The following SREBF2 variants were observed in gnomAD, a reference collection of about 807,000 sequenced individuals.
SREBF2 encodes sterol regulatory element-binding protein 2.
In SREBF2, 55 loss-of-function variants were observed where a neutral mutation model predicts 113.1. The ratio of observed to expected loss-of-function variants is 0.49; its 90% CI spans 0.39 to 0.61. The LOEUF (loss-of-function observed/expected upper bound fraction) is 0.61, where lower values mean the gene tolerates loss of function less well. Among genes scored for constraint, SREBF2 ranks in the 20% least tolerant of loss-of-function variants. The probability of loss-of-function intolerance (pLI) is 0.00; values close to 1 mark genes in which losing one functional copy is unlikely to be tolerated. For missense variants in SREBF2, 1,349 were observed against 1,487.4 expected (o/e 0.91, Z 1.53); for synonymous variants, 593 against 605.7 (o/e 0.98, Z 0.31).
chr22:41,861,311 CT>C (rs2077025256), intron 1 of SREBF2, among the ~76,000 whole-genome samples: 1 of 151,842 alleles, frequency 6.6e-6, no homozygotes, highest in African/African-American at 2.4e-5. Flanking sequence ...GTGAAACCCC[CT>C]CTCTACTAAA....
intron 13 of SREBF2, among the ~76,000 whole-genome samples, chr22:41,895,382 C>T (rs1010807593): frequency 1.3e-5 from 2 of 151,172 alleles, no homozygotes; most frequent in African/African-American, 4.9e-5. Flanking sequence ...CCGCCTGCCT[C>T]AGCCTCCCAA....
Position 41,868,681 on chromosome 22 carries a change from G to A in SREBF2, c.609G>A (p.Val203=). ...QVQPVTIQQQ[V]QTVQAQRVLT... ...AGCCGGTCACCATTCAGCAGCAGGT[G>A]CAGACAGTACAGGCCCAGCGGGTGC... Residue 203 remains valine, a synonymous_variant, in exon 3 of 19, where the codon GTG becomes GTA. Transcript: ENST00000361204. 1 of 1,614,256 alleles carries A rather than the reference G, an allele frequency of 6.2e-7. No individual in the cohort carries two copies. Among genetic ancestry groups the A allele is most frequent in the Non-Finnish European group, 8.5e-7 (1 of 1,180,052 alleles).
At position 41,899,366 on chromosome 22, in the gene SREBF2, G is replaced by A. The variant is rs780334959; in HGVS notation, c.2738+585G>A. On this transcript the variant is annotated intron_variant, in intron 15 of 18. Coordinates refer to ENST00000361204, the MANE Select transcript of SREBF2 (RefSeq NM_004599.4). ...TCATGTCTGCGTCTTGGGGGCATTC[G>A]GCACTAGTGATGGGCAGCCCTGCCT... 5.3e-5 allele frequency: 54 copies of A among 1,012,640 alleles called. 1 individual carries two copies. Among genetic ancestry groups the A allele is most frequent in the South Asian group, 2.4e-4 (6 of 24,744 alleles). 62.7% of individuals were successfully genotyped at this position (1,012,640 alleles called of 1,614,324 possible).
At chr22:41,865,114 C>A (rs2077062984) in intron 1 of SREBF2, among the ~76,000 whole-genome samples, 1 of 147,778 alleles carries the variant, frequency 6.8e-6, no homozygotes, top group Admixed American at 6.9e-5. Context: ...TACAAATATA[C>A]CCCAGGCTCC....
chr22:41,861,659 ACACC>A (rs2077028312), intron 1 of SREBF2, among the ~76,000 whole-genome samples: 2 of 152,320 alleles, frequency 1.3e-5, no homozygotes, highest in South Asian at 4.1e-4. Flanking sequence ...GCAGTGGCTC[ACACC>A]TGTAATCCTA....
intron 1 of SREBF2, among the ~76,000 whole-genome samples, chr22:41,865,345 C>G (rs2077065261): frequency 6.6e-6 from 1 of 152,086 alleles, no homozygotes; most frequent in East Asian, 1.9e-4. Flanking sequence ...CAAGCAGTAG[C>G]TTCTTGGGAA....
chr22:41,837,875 AG>A (rs1016770535), intron 1 of SREBF2, among the ~76,000 whole-genome samples: 4 of 146,142 alleles, frequency 2.7e-5, no homozygotes, highest in Admixed American at 2.0e-4. Context: ...AAAAAAAAAA[AG>A]AAAGAAAGAA....
Position 41,866,944 on chromosome 22 carries a change from G to A in SREBF2, c.202G>A (p.Gly68Ser), listed in dbSNP as rs1328222309. ...TAGTGGTAGCAGCAGCGGCAGCAGT[G>A]GCAGCAGCAGCAGCAGCAGCAATGG... The part of the protein sequence containing the change: ...GGSGSSSGSS[G>S]SSSSSSNGRG... The change falls in exon 2 of 19, where the codon GGC (glycine) becomes AGC (serine). Residue 68 changes from glycine to serine, a missense_variant. Physicochemically the swap from Gly to Ser is moderately conservative, Grantham distance 56 (BLOSUM62 0). This residue lies in a region of SREBF2 where 699 missense variants were observed against 843.3 expected (regional missense o/e 0.83). Coordinates refer to ENST00000361204, the MANE Select transcript of SREBF2 (RefSeq NM_004599.4). 2.5e-6 allele frequency: 4 copies of A among 1,613,126 alleles called. No homozygotes were observed. The highest frequency in any genetic ancestry group is 3.4e-6 in the Non-Finnish European group (4 of 1,179,628).
At position 41,894,833 on chromosome 22, in the gene SREBF2, G is replaced by A. The variant is rs1197457902; in HGVS notation, c.2391G>A (p.Ala797=). The A allele has an allele frequency of 5.0e-6, 8 of 1,613,954 alleles. No individual in the cohort carries two copies. Among genetic ancestry groups the A allele is most frequent in the Admixed American group, 3.3e-5 (2 of 60,004 alleles). The change falls in exon 13 of 19, where the codon GCG becomes GCA. Residue 797 remains alanine, a synonymous_variant. Coordinates refer to ENST00000361204, the MANE Select transcript of SREBF2 (RefSeq NM_004599.4). ...CAQRNPADPI[A]QVHQAFCKNL... The stretch of plus-strand genomic sequence containing the variant: ...TCTCTTTTCCAGCTGACCCCATTGC[G>A]CAGGTCCACCAGGCCTTCTGCAAGA...
intron 2 of SREBF2, 43 bp from the exon 3 acceptor site, chr22:41,868,568 T>A: frequency 2.5e-6 from 4 of 1,599,072 alleles, no homozygotes; most frequent in Non-Finnish European, 3.4e-6. Context: ...AGTGACAGAA[T>A]GCATTCCTCA....
Position 41,899,989 on chromosome 22 carries a change from G to C in SREBF2, c.2739-341G>C, listed in dbSNP as rs985460207. ...TGGGGGGGTGGTCCCTTAAAGAACG[G>C]GTACAACACCTTATTGTGGCCACTT... On this transcript the variant is annotated intron_variant, in intron 15 of 18. Coordinates refer to ENST00000361204, the MANE Select transcript of SREBF2 (RefSeq NM_004599.4). 1.5e-5 allele frequency: 18 copies of C among 1,232,948 alleles called. No individual in the cohort carries two copies. In the South Asian group the frequency reaches 2.2e-4, roughly 15 times the overall value. The allele number at this position is 1,232,948 out of a possible 1,614,324, so 76.4% of individuals were successfully genotyped here. A position where few individuals can be genotyped will look rare whatever the true frequency, so the allele number is the denominator to read the frequency against.
intron 1 of SREBF2, among the ~76,000 whole-genome samples, chr22:41,842,345 T>C (rs936101952): frequency 6.6e-6 from 1 of 152,236 alleles, no homozygotes; most frequent in African/African-American, 2.4e-5. Context: ...TGCTTTGCTT[T>C]CCTTTTTGAC....
intron 4 of SREBF2, among the ~76,000 whole-genome samples, chr22:41,872,345 G>A (rs1225006077): frequency 2.0e-5 from 3 of 152,004 alleles, no homozygotes; most frequent in African/African-American, 7.3e-5. Flanking sequence ...ATGAAGCTAT[G>A]GTGCTGGAAT....
chr22:41,839,855 A>G (rs889971427), intron 1 of SREBF2, among the ~76,000 whole-genome samples: 1 of 151,934 alleles, frequency 6.6e-6, no homozygotes, highest in African/African-American at 2.4e-5. Context: ...CTGTGTGGAC[A>G]TATATGTTCA....
Position 41,905,691 on chromosome 22 carries a change from C to CT in SREBF2, c.*32dup, listed in dbSNP as rs1213697233. ...AGGCTCAGCCCACCCCTCCACCTCT[C>CT]TCTCGATTTCTCTCTCTCCCCCTCA... On this transcript the variant is annotated 3_prime_UTR_variant, in exon 19 of 19. Transcript: ENST00000361204. The CT allele has an allele frequency of 6.5e-7, 1 of 1,535,688 alleles. No homozygotes were observed. Among genetic ancestry groups the CT allele is most frequent in the Non-Finnish European group, 8.8e-7 (1 of 1,132,864 alleles).
intron 2 of SREBF2, 135 bp from the exon 3 acceptor site, chr22:41,868,476 G>T (rs990813027): frequency 3.1e-5 from 31 of 987,948 alleles, no homozygotes; most frequent in Non-Finnish European, 4.4e-5. Flanking sequence ...CTTGTAAATG[G>T]CTGTGCACAT....
chr22:41,840,373 G>A (rs2076817757), intron 1 of SREBF2, among the ~76,000 whole-genome samples: 1 of 152,108 alleles, frequency 6.6e-6, no homozygotes, highest in Non-Finnish European at 1.5e-5. Flanking sequence ...TATGGTTTAG[G>A]TCTGCTCTCC....
intron 1 of SREBF2, among the ~76,000 whole-genome samples, chr22:41,856,629 A>T (rs2076980225): frequency 6.6e-6 from 1 of 152,190 alleles, no homozygotes; most frequent in Non-Finnish European, 1.5e-5. Flanking sequence ...TCAAAGAAAG[A>T]TTGCCCTACC....
intron 1 of SREBF2, among the ~76,000 whole-genome samples, chr22:41,852,727 G>GTTTT (rs2076942815): frequency 1.2e-5 from 1 of 84,944 alleles, no homozygotes; most frequent in Non-Finnish European, 2.2e-5. Context: ...CTCTCAGAAT[G>GTTTT]ATTTTTTTTT....
Sources: allele counts gnomAD v4.1 joint callset (sites outside exome capture counted in the v4.1 genomes callset), GRCh38; gene constraint gnomAD v4.1.1; regional missense constraint gnomAD v4.1.1; transcripts MANE v1.5; gene names NCBI Gene and HGNC (gene_info 2026-07-23, HGNC 2026-07-21).